The following CORIN variants were observed in gnomAD, a reference collection of about 807,000 sequenced individuals.
CORIN encodes the protein corin, serine peptidase.
Under a neutral mutation model 125.3 loss-of-function variants are expected in CORIN, and 117 were observed. That is an observed-to-expected ratio of 0.93 (90% CI 0.80 to 1.09). The LOEUF is 1.09. Among genes scored for constraint, CORIN ranks in the 50% least tolerant of loss-of-function variants. CORIN has a pLI of 0.00. For synonymous variants in CORIN, 450 were observed against 466.4 expected (o/e 0.96, Z 0.45); for missense variants, 1,253 against 1,306.7 (o/e 0.96, Z 0.63).
intron 19 of CORIN, among the ~76,000 whole-genome samples, chr4:47,609,861 T>C (rs182802997): frequency 1.3e-5 from 2 of 152,310 alleles, no homozygotes; most frequent in African/African-American, 2.4e-5. Flanking sequence ...TGGTATTTGA[T>C]TTTCTGTTCC....
intron 11 of CORIN, 68 bp downstream of exon 11, chr4:47,664,964 A>G (rs17462881): frequency 0.2 from 201,082 of 1,026,932 alleles, 22,229 homozygotes; most frequent in South Asian, 0.25. Flanking sequence ...TCCAAACTCA[A>G]CTAAGTCTTC....
intron 14 of CORIN, among the ~76,000 whole-genome samples, chr4:47,644,489 A>C (rs563530897): frequency 6.6e-6 from 1 of 152,212 alleles, no homozygotes; most frequent in Non-Finnish European, 1.5e-5. Flanking sequence ...CTTTTCTGTT[A>C]TTTGTAGGTA....
intron 19 of CORIN, among the ~76,000 whole-genome samples, chr4:47,609,440 A>G (rs1721785540): frequency 6.6e-6 from 1 of 152,092 alleles, no homozygotes. Flanking sequence ...GGGTTTCACC[A>G]TGTTGGCCTA....
chr4:47,692,168 G>A (rs1042330947), intron 6 of CORIN, among the ~76,000 whole-genome samples: 1 of 152,186 alleles, frequency 6.6e-6, no homozygotes, highest in African/African-American at 2.4e-5. Flanking sequence ...CACAGCTCTT[G>A]CCATACTAAC....
intron 6 of CORIN, among the ~76,000 whole-genome samples, chr4:47,692,660 T>C (rs73142071): frequency 1.7e-4 from 26 of 152,206 alleles, no homozygotes; most frequent in African/African-American, 6.0e-4. Context: ...AAATTGACCT[T>C]TATACTCATA....
chr4:47,611,858 G>C (rs1015063433), intron 19 of CORIN, among the ~76,000 whole-genome samples: 7 of 152,104 alleles, frequency 4.6e-5, no homozygotes, highest in Non-Finnish European at 1.0e-4. Context: ...TAATCATGTG[G>C]TTTTCGCCTA....
At chr4:47,820,960 G>T (rs1168636630) in intron 1 of CORIN, among the ~76,000 whole-genome samples, 1 of 152,204 alleles carries the variant, frequency 6.6e-6, no homozygotes, top group African/African-American at 2.4e-5. Flanking sequence ...CTCATGGCTG[G>T]GTGTGGTGGC....
chr4:47,821,898 C>G (rs1342164068), intron 1 of CORIN, among the ~76,000 whole-genome samples: 3 of 152,116 alleles, frequency 2.0e-5, no homozygotes, highest in Non-Finnish European at 4.4e-5. Context: ...GCCTAGCTTT[C>G]ATGTATCAAC....
intron 13 of CORIN, 58 bp downstream of exon 13, chr4:47,653,495 C>A: frequency 7.3e-7 from 1 of 1,372,460 alleles, no homozygotes; most frequent in South Asian, 1.2e-5. Context: ...AACACAGTTT[C>A]TTATTTTATT....
intron 19 of CORIN, among the ~76,000 whole-genome samples, chr4:47,621,119 G>A (rs944804678): frequency 1.3e-5 from 2 of 152,142 alleles, no homozygotes; most frequent in Non-Finnish European, 2.9e-5. Context: ...TTCAAAACCT[G>A]TCCTCAAGTC....
chr4:47,703,627 C>T (rs1726408696), intron 5 of CORIN, among the ~76,000 whole-genome samples: 1 of 152,200 alleles, frequency 6.6e-6, no homozygotes, highest in African/African-American at 2.4e-5. Context: ...GGGATCGTCT[C>T]TGAGTATATT....
At chr4:47,658,132 T>C (rs1470099283) in intron 12 of CORIN, among the ~76,000 whole-genome samples, 1 of 152,196 alleles carries the variant, frequency 6.6e-6, no homozygotes, top group Non-Finnish European at 1.5e-5. Context: ...ATACAATGGC[T>C]GTACAGGCAT....
chr4:47,740,286 T>C (rs1171318900), intron 5 of CORIN, among the ~76,000 whole-genome samples: 1 of 151,958 alleles, frequency 6.6e-6, no homozygotes, highest in Non-Finnish European at 1.5e-5. Context: ...CAGATGTCTA[T>C]TAGATCTCAT....
intron 1 of CORIN, chr4:47,831,515 C>T (rs950387841): frequency 6.6e-6 from 1 of 152,280 alleles, no homozygotes; most frequent in Non-Finnish European, 1.5e-5. Flanking sequence ...CAAGGTGAGT[C>T]ATCCCATGTG....
intron 19 of CORIN, among the ~76,000 whole-genome samples, chr4:47,609,012 G>A (rs1721766305): frequency 6.6e-6 from 1 of 151,828 alleles, no homozygotes; most frequent in South Asian, 2.1e-4. Flanking sequence ...TATTTTTCCT[G>A]TTTAATAAAG....
At chr4:47,764,993 G>T (rs1184124544) in intron 3 of CORIN, among the ~76,000 whole-genome samples, 1 of 152,060 alleles carries the variant, frequency 6.6e-6, no homozygotes, top group Non-Finnish European at 1.5e-5. Flanking sequence ...AATATTAAGA[G>T]ATCATTTTAA....
intron 20 of CORIN, among the ~76,000 whole-genome samples, chr4:47,602,767 C>T: frequency 6.6e-6 from 1 of 152,142 alleles, no homozygotes; most frequent in Non-Finnish European, 1.5e-5. Context: ...TTATTAATGT[C>T]TATGATTTGC....
At chr4:47,642,159 T>G in intron 15 of CORIN, 110 bp from the exon 16 acceptor site, 1 of 1,186,182 alleles carries the variant, frequency 8.4e-7, no homozygotes, top group Non-Finnish European at 1.2e-6. Context: ...TTCATTTATT[T>G]TAGTTAATCA....
intron 3 of CORIN, among the ~76,000 whole-genome samples, chr4:47,765,943 T>G (rs1033304530): frequency 7.2e-5 from 11 of 152,200 alleles, no homozygotes; most frequent in Non-Finnish European, 1.3e-4. Flanking sequence ...TTTTGTGGTT[T>G]TGAAATCATT....
Sources: allele counts gnomAD v4.1 joint callset (sites outside exome capture counted in the v4.1 genomes callset), GRCh38; gene constraint gnomAD v4.1.1; transcripts MANE v1.5; gene names NCBI Gene and HGNC (gene_info 2026-07-23, HGNC 2026-07-21).